The following GHDC variants were observed in gnomAD, a reference collection of about 807,000 sequenced individuals.
The protein encoded by GHDC is GH3 domain-containing protein.
Under a neutral mutation model 51.5 loss-of-function variants are expected in GHDC, and 39 were observed. The observed-to-expected ratio is 0.76, with a 90% CI of 0.59 to 0.99. GHDC has a LOEUF of 0.99. GHDC is among the 50% of genes least tolerant of loss of function. The pLI is 0.00. For synonymous variants in GHDC, 282 were observed against 305.2 expected, an observed-to-expected ratio of 0.92 and a Z score of 0.79; for missense variants, 610 against 672.8, an observed-to-expected ratio of 0.91 and a Z score of 1.03.
In GHDC at chr17:42,191,076, C is replaced by T. The variant is rs751631648; in HGVS notation, c.1024G>A (p.Glu342Lys). The change falls in exon 6 of 10, where the codon GAG becomes AAG. Residue 342 changes from glutamate (E) to lysine (K), a missense_variant. By Grantham distance (56) the Glu-to-Lys change is moderately conservative. This residue lies in a region of GHDC where 412 missense variants were observed against 410.4 expected (regional missense o/e 1.00). Coordinates refer to ENST00000587427, the MANE Select transcript of GHDC (RefSeq NM_032484.5). ...EEAASTLLLA[E>K]AQQGKEYELV... ...TCATACTCCTTGCCCTGCTGGGCCT[C>T]GGCCAAAAGGAGGGTGGAGGCAGCT... 8 of 1,580,390 alleles carry T rather than the reference C, an allele frequency of 5.1e-6. No homozygotes were observed. The East Asian group carries it at 6.8e-5, about 13-fold the overall frequency.
chr17:42,193,614 G>A lies in GHDC; in HGVS notation c.-13-20C>T, dbSNP rs1360830413. On this transcript the variant is annotated intron_variant, in intron 2 of 9. Transcript: ENST00000587427. Reference sequence around the variant, plus strand: ...CAGCTCCTGGGAAGAGGAAGGAACCGAGATATGGGGGCATGCAGCAATTAT... The same window carrying A: ...CAGCTCCTGGGAAGAGGAAGGAACCAAGATATGGGGGCATGCAGCAATTAT... 1.1e-5 allele frequency: 16 copies of A among 1,512,848 alleles called. No individual in the cohort carries two copies. Among genetic ancestry groups the A allele is most frequent in the African/African-American group, 5.5e-5 (4 of 72,522 alleles). The allele number at this position is 1,512,848 out of a possible 1,614,324, so 93.7% of individuals were successfully genotyped here. A position where few individuals can be genotyped will look rare whatever the true frequency, so the allele number is the denominator to read the frequency against.
intron 5 of GHDC, among the ~76,000 whole-genome samples, chr17:42,191,758 C>CTTTTTT (rs71357532): frequency 9.9e-6 from 1 of 101,098 alleles, no homozygotes; most frequent in Non-Finnish European, 1.9e-5. Context: ...CTGCCCCGGC[C>CTTTTTT]TTTTTTTTTT....
At chr17:42,191,354 G>A in intron 5 of GHDC, 144 bp from the exon 6 acceptor site, 3 of 794,062 alleles carry the variant, frequency 3.8e-6, no homozygotes, top group Non-Finnish European at 5.3e-6. Flanking sequence ...GGCTCCCCCA[G>A]CCTCAGCGGG....
At chr17:42,190,958 C>T in intron 6 of GHDC, 55 bp from the exon 7 acceptor site, 1 of 1,575,146 alleles carries the variant, frequency 6.3e-7, no homozygotes, top group Non-Finnish European at 8.6e-7. Flanking sequence ...GAGCTCATGC[C>T]CCAGGCCCCC....
rs771564508 is a variant in GHDC at position 42,193,493 on chromosome 17, G to T, written c.89C>A (p.Ser30Tyr). Residue 30 changes from serine (S) to tyrosine (Y), a missense_variant, in exon 3 of 10, where the codon TCC becomes TAC. This residue lies in a region of GHDC where 198 missense variants were observed against 262.3 expected (regional missense o/e 0.75). Coordinates refer to ENST00000587427, the MANE Select transcript of GHDC (RefSeq NM_032484.5). The part of the protein sequence containing the change: ...RQQRSQDARL[S>Y]WLAGLQHRVA... ...TCGGTGCTGGAGGCCAGCAAGCCAG[G>T]ACAGCCTGGCATCCTGGGACCGCTG... 6.4e-7 allele frequency: 1 copy of T among 1,554,582 alleles called. No homozygotes were observed. Among genetic ancestry groups the T allele is most frequent in the South Asian group, 1.2e-5 (1 of 84,372 alleles).
intron 1 of GHDC, chr17:42,194,178 CAA>C (rs112866882): frequency 7.1e-5 from 8 of 112,490 alleles, no homozygotes; most frequent in African/African-American, 2.2e-4. Context: ...GAGACCCTGT[CAA>C]AAAAAAAAAG....
chr17:42,191,344 G>C, intron 5 of GHDC, 134 bp from the exon 6 acceptor site: 1 of 880,176 alleles, frequency 1.1e-6, no homozygotes, highest in Non-Finnish European at 1.6e-6. Flanking sequence ...CATCCTTCCT[G>C]GCTCCCCCAG....
At chr17:42,190,366 T>C in intron 8 of GHDC, 96 bp from the exon 9 acceptor site, 2 of 1,601,766 alleles carry the variant, frequency 1.2e-6, no homozygotes, top group Non-Finnish European at 1.7e-6. Flanking sequence ...CACTCTGAGA[T>C]TCATAGGGAA....
chr17:42,191,673 G>T (rs1395679459), intron 5 of GHDC, among the ~76,000 whole-genome samples: 2 of 151,438 alleles, frequency 1.3e-5, no homozygotes, highest in Non-Finnish European at 2.9e-5. Context: ...GGCCAGGCTG[G>T]TCTTAAACTC....
chr17:42,193,221 G>T, intron 3 of GHDC, 96 bp downstream of exon 3: 2 of 1,516,672 alleles, frequency 1.3e-6, no homozygotes, highest in Non-Finnish European at 1.8e-6. Context: ...TCCGTTGGCA[G>T]TGGAGGAGGT....
Position 42,190,878 on chromosome 17 carries a change from C to G in GHDC, c.1108G>C (p.Val370Leu), listed in dbSNP as rs781092765. The G allele has an allele frequency of 3.1e-6, 5 of 1,610,752 alleles. No homozygotes were observed. The African/African-American group carries it at 6.7e-5, about 22-fold the overall frequency. Residue 370 changes from valine to leucine, a missense_variant, in exon 7 of 10, where the codon GTG (valine) becomes CTG (leucine). Val to Leu is a conservative substitution (Grantham distance 32). Transcript: ENST00000587427. Reference protein sequence around the residue: ...TRCRLGDVVRVVGAYNQCPVV... With the variant: ...TRCRLGDVVRLVGAYNQCPVV... Reference sequence around the variant, plus strand: ...GGACACTGATTGTAGGCACCAACCACTCGCACCACATCACCCAGGCGGCAC... The same window carrying G: ...GGACACTGATTGTAGGCACCAACCAGTCGCACCACATCACCCAGGCGGCAC...
chr17:42,190,506 G>C, intron 8 of GHDC, 118 bp downstream of exon 8: 1 of 1,425,176 alleles, frequency 7.0e-7, no homozygotes, highest in Non-Finnish European at 9.3e-7. Flanking sequence ...ATGCAGAGAA[G>C]GACTTTTGTA....
rs747762581 is a variant in GHDC, at chr17:42,193,346, C to T, written c.236G>A (p.Arg79His). 1.0e-5 allele frequency: 16 copies of T among 1,605,306 alleles called. No individual in the cohort carries two copies. Among genetic ancestry groups the T allele is most frequent in the African/African-American group, 6.7e-5 (5 of 74,844 alleles). The change falls in exon 3 of 10, where the codon CGC becomes CAC. Residue 79 changes from arginine (R) to histidine (H), a missense_variant. Physicochemically the swap from Arg to His is conservative, Grantham distance 29. Around this residue, in one of 2 missense-constraint regions of GHDC, gnomAD observed 198 missense variants for 262.3 expected, o/e 0.75. Transcript: ENST00000587427. ...ALRWCLQGAQ[R>H]PHCSLRRSTD... is the part of the protein sequence containing the mutation. ...GCTCCTTCTGAGGGAACAGTGGGGG[C>T]GCTGGGCTCCCTGTAGACACCACCT...
intron 8 of GHDC, 136 bp downstream of exon 8, chr17:42,190,486 TGA>T: frequency 2.2e-6 from 3 of 1,393,796 alleles, no homozygotes; most frequent in Non-Finnish European, 1.9e-6. Flanking sequence ...GCAGGATGGA[TGA>T]GAGTTAGATG....
intron 5 of GHDC, 112 bp downstream of exon 5, chr17:42,192,129 C>T (rs2079973133): frequency 7.4e-7 from 1 of 1,358,750 alleles, no homozygotes. Flanking sequence ...CCCTAGCATG[C>T]AGCTTGTTGG....
At chr17:42,193,071 C>T (rs1452059258) in intron 3 of GHDC, 44 bp from the exon 4 acceptor site, 1 of 1,613,820 alleles carries the variant, frequency 6.2e-7, no homozygotes, top group Admixed American at 1.7e-5. Context: ...AAGCCAGTTT[C>T]CCAAGAGTTT....
At chr17:42,190,521 T>G (rs1183961074) in intron 8 of GHDC, 103 bp downstream of exon 8, 1 of 1,447,610 alleles carries the variant, frequency 6.9e-7, no homozygotes, top group Non-Finnish European at 9.2e-7. Context: ...TTTGTAGGAG[T>G]AGTAAAGGAG....
rs1169189677 is a variant in GHDC, at chr17:42,194,479, A to T, written c.-184T>A. 6.6e-6 allele frequency: 1 copy of T among 152,378 alleles called. No individual in the cohort carries two copies. The highest frequency in any genetic ancestry group is 1.5e-5 in the Non-Finnish European group (1 of 68,152). The allele number at this position is 152,378 out of a possible 1,614,324, so 9.4% of individuals were successfully genotyped here. ...TCTCAGCACACATCCGGCCAGAAAG[A>T]AGGAGCGATGGCTTTAAAAGGCTGG... On this transcript the variant is annotated 5_prime_UTR_variant, in exon 1 of 10. Transcript: ENST00000587427.
Position 42,193,576 on chromosome 17 carries a change from C to A in GHDC, c.6G>T (p.Leu2=). 6.5e-7 allele frequency: 1 copy of A among 1,535,864 alleles called. No homozygotes were observed. ...GCAGCAGCAGCAGCAGTGGCCACAGCAGCATCTCCAAGCAGCTCCTGGGAA... is the reference window on the plus strand; with the variant it reads ...GCAGCAGCAGCAGCAGTGGCCACAGAAGCATCTCCAAGCAGCTCCTGGGAA... M[L]LWPLLLLLLL... The change falls in exon 3 of 10, where the codon CTG becomes CTT. Residue 2 remains leucine, a synonymous_variant. Transcript: ENST00000587427.
Sources: gnomAD v4.1 joint callset for allele counts (sites outside exome capture counted in the v4.1 genomes callset) on GRCh38, gnomAD v4.1.1 for gene constraint, gnomAD v4.1.1 regional missense constraint, MANE v1.5 for transcripts, NCBI Gene and HGNC (gene_info 2026-07-23, HGNC 2026-07-21) for gene names.